Variants in TLL2 observed in about 807,000 individuals in gnomAD.
TLL2 encodes the protein tolloid-like protein 2.
Under a neutral mutation model 123.0 loss-of-function variants are expected in TLL2, and 106 were observed. That is an observed-to-expected ratio of 0.86 (90% CI 0.74 to 1.01). The LOEUF is 1.01. TLL2 is among the 50% of genes least tolerant of loss of function. The pLI is 0.00. For synonymous variants in TLL2, 494 were observed against 516.8 expected, an observed-to-expected ratio of 0.96 and a Z score of 0.60; for missense variants, 1,332 against 1,336.7, an observed-to-expected ratio of 1.00 and a Z score of 0.06.
At chr10:96,513,225 C>A (rs1030795805) in intron 1 of TLL2, among the ~76,000 whole-genome samples, 2 of 152,030 alleles carry the variant, frequency 1.3e-5, no homozygotes, top group Non-Finnish European at 2.9e-5. Context: ...CTGGCACCCA[C>A]CCCGGCCCCT....
intron 2 of TLL2, among the ~76,000 whole-genome samples, chr10:96,479,641 CA>C (rs1847291850): frequency 6.6e-6 from 1 of 152,244 alleles, no homozygotes; most frequent in Non-Finnish European, 1.5e-5. Context: ...TCAAGATGAG[CA>C]AGTCATGCTC....
rs557547022 is a variant in TLL2 at position 96,513,655 on chromosome 10, C to T, written c.31G>A (p.Val11Met). 22 of 1,581,426 alleles carry T rather than the reference C, an allele frequency of 1.4e-5. No homozygotes were observed. In the African/African-American group the frequency reaches 2.2e-4, roughly 16 times the overall value. Residue 11 changes from valine to methionine, a missense_variant, in exon 1 of 21, where the codon GTG becomes ATG. Transcript: ENST00000357947. MPRATALGAL[V>M]SLLLLLPLPR... ...AGCGGCAGCAGCAGCAGCAGTGACA[C>T]CAGGGCCCCAAGTGCAGTCGCCCGG...
At chr10:96,416,756 G>A (rs762605188) in intron 7 of TLL2, among the ~76,000 whole-genome samples, 12 of 152,226 alleles carry the variant, frequency 7.9e-5, no homozygotes, top group Non-Finnish European at 8.8e-5. Flanking sequence ...GCTTCCAGCT[G>A]TTTACTACAA....
chr10:96,430,494 G>C (rs1394318493), intron 4 of TLL2, among the ~76,000 whole-genome samples: 1 of 152,224 alleles, frequency 6.6e-6, no homozygotes, highest in Non-Finnish European at 1.5e-5. Context: ...AAATGGACTA[G>C]CACAACAGCA....
At chr10:96,390,144 G>T (rs1249913035) in intron 13 of TLL2, among the ~76,000 whole-genome samples, 1 of 152,260 alleles carries the variant, frequency 6.6e-6, no homozygotes, top group African/African-American at 2.4e-5. Context: ...GTCTTCTCAT[G>T]GTCCAGGTGG....
chr10:96,439,565 T>A (rs1468504706), intron 3 of TLL2, among the ~76,000 whole-genome samples: 1 of 152,206 alleles, frequency 6.6e-6, no homozygotes, highest in Admixed American at 6.5e-5. Context: ...CTGTGAGTTA[T>A]GTTCCTTATT....
At chr10:96,497,508 A>C (rs1441109259) in intron 1 of TLL2, among the ~76,000 whole-genome samples, 1 of 152,094 alleles carries the variant, frequency 6.6e-6, no homozygotes, top group African/African-American at 2.4e-5. Context: ...GTTGCTTTCA[A>C]CCAGGAAGAG....
intron 2 of TLL2, among the ~76,000 whole-genome samples, chr10:96,456,420 G>A (rs955798782): frequency 3.9e-5 from 6 of 152,146 alleles, no homozygotes; most frequent in African/African-American, 1.4e-4. Flanking sequence ...GAGCTGGCAA[G>A]GAGAAGAAGA....
rs548770310 is a variant in TLL2, at chr10:96,389,331, C to G, written c.1727-2253G>C. On this transcript the variant is annotated intron_variant, in intron 13 of 20. Transcript: ENST00000357947. ...CAGACCATCGGCACACAGAAGCCAT[C>G]ATGATAGACAGCAGCAGAGTTGCTT... Among the ~76,000 whole-genome samples, 3 of 152,298 alleles carry G rather than the reference C, an allele frequency of 2.0e-5. No homozygotes were observed. In the South Asian group the frequency reaches 6.2e-4, roughly 32 times the overall value.
At chr10:96,506,279 GA>G (rs1847579607) in intron 1 of TLL2, among the ~76,000 whole-genome samples, 2 of 85,654 alleles carry the variant, frequency 2.3e-5, no homozygotes, top group Non-Finnish European at 2.6e-5. Context: ...AAAAAAAAAA[GA>G]AAAAAGGAAA....
At chr10:96,434,930 A>G (rs544418247) in intron 3 of TLL2, among the ~76,000 whole-genome samples, 87 of 151,800 alleles carry the variant, frequency 5.7e-4, no homozygotes, top group South Asian at 1.0e-3. Flanking sequence ...CATTTCCCCA[A>G]TGACTAATGA....
chr10:96,379,642 A>G (rs1393544760), intron 16 of TLL2, among the ~76,000 whole-genome samples: 2 of 152,032 alleles, frequency 1.3e-5, no homozygotes, highest in African/African-American at 4.8e-5. Context: ...GCCAAAATGG[A>G]GAAACCCTGC....
At chr10:96,471,330 T>A (rs1847181051) in intron 2 of TLL2, among the ~76,000 whole-genome samples, 1 of 152,150 alleles carries the variant, frequency 6.6e-6, no homozygotes, top group African/African-American at 2.4e-5. Context: ...ATGTTGGAGA[T>A]TGATTCAGAG....
At chr10:96,466,264 G>A (rs1381429737) in intron 2 of TLL2, among the ~76,000 whole-genome samples, 1 of 152,206 alleles carries the variant, frequency 6.6e-6, no homozygotes, top group Non-Finnish European at 1.5e-5. Flanking sequence ...GGGCAAACAA[G>A]GCTCCTTAAA....
Position 96,367,989 on chromosome 10 carries a change from T to C in TLL2, c.*99A>G. On this transcript the variant is annotated 3_prime_UTR_variant, in exon 21 of 21. Coordinates refer to ENST00000357947, the MANE Select transcript of TLL2 (RefSeq NM_012465.4). Reference sequence around the variant, plus strand: ...CTGAGTTTTTGTTTGAGAAAAATACTGTACACTGTTTTAGGGCAGATTTTC... The same window carrying C: ...CTGAGTTTTTGTTTGAGAAAAATACCGTACACTGTTTTAGGGCAGATTTTC... 7.0e-7 allele frequency: 1 copy of C among 1,423,272 alleles called. No individual in the cohort carries two copies. Among genetic ancestry groups the C allele is most frequent in the African/African-American group, 1.4e-5 (1 of 70,358 alleles). The allele number at this position is 1,423,272 out of a possible 1,614,324, so 88.2% of individuals were successfully genotyped here.
chr10:96,436,924 G>A (rs1228014532), intron 3 of TLL2, among the ~76,000 whole-genome samples: 8 of 152,144 alleles, frequency 5.3e-5, no homozygotes, highest in Middle Eastern at 6.8e-3. Context: ...GAGCTAAAGC[G>A]ATCTGCCCAC....
chr10:96,387,153 A>G (rs1846244177), intron 13 of TLL2, 75 bp from the exon 14 acceptor site: 1 of 1,572,062 alleles, frequency 6.4e-7, no homozygotes, highest in Non-Finnish European at 8.7e-7. Context: ...TGCATATCCC[A>G]GTGTCACCAG....
Position 96,432,835 on chromosome 10 carries a change from G to A in TLL2, c.492C>T (p.Ile164=), listed in dbSNP as rs137855249. The change falls in exon 4 of 21, where the codon ATC becomes ATT. Residue 164 remains isoleucine, a synonymous_variant. Transcript: ENST00000357947. Reference sequence around the variant, plus strand: ...TGAAGTTCCCTCCAATGACGTAGGGGATGACTCCTCCAGGCCATATCCTCT... The same window carrying A: ...TGAAGTTCCCTCCAATGACGTAGGGAATGACTCCTCCAGGCCATATCCTCT... ...RTERIWPGGV[I]PYVIGGNFTG... is the part of the protein sequence containing the mutation. The A allele has an allele frequency of 1.4e-3, 2,250 of 1,614,086 alleles. 8 individuals are homozygous for A. The highest frequency in any genetic ancestry group is 5.7e-3 in the South Asian group (519 of 91,060).
intron 2 of TLL2, among the ~76,000 whole-genome samples, chr10:96,468,473 C>G (rs1179001732): frequency 6.6e-6 from 1 of 152,208 alleles, no homozygotes; most frequent in African/African-American, 2.4e-5. Context: ...AATTCCTAGT[C>G]CAGTCCCCAA....
Sources: gnomAD v4.1 joint callset for allele counts (sites outside exome capture counted in the v4.1 genomes callset) on GRCh38, gnomAD v4.1.1 for gene constraint, MANE v1.5 for transcripts, NCBI Gene and HGNC (gene_info 2026-07-23, HGNC 2026-07-21) for gene names.